The following ZNF146 variants were observed in gnomAD, a reference collection of about 807,000 sequenced individuals.
ZNF146 encodes the protein zinc finger protein 146, also known as zinc finger protein OZF.
In ZNF146, 9 loss-of-function variants were observed where a neutral mutation model predicts 22.2. The ratio of observed to expected loss-of-function variants is 0.41; its 90% CI spans 0.24 to 0.71. The LOEUF is 0.71. Among genes scored for constraint, ZNF146 ranks in the 30% least tolerant of loss-of-function variants. The pLI, the probability that ZNF146 is intolerant of heterozygous loss-of-function variation, is 0.34. For missense variants in ZNF146, 194 were observed against 344.8 expected (o/e 0.56, Z 3.46); for synonymous variants, 108 against 119.2 (o/e 0.91, Z 0.61).
Position 36,227,613 on chromosome 19 carries a change from C to T in ZNF146, c.-854-1135C>T, listed in dbSNP as rs528421478. ...AGGTTGTTGCTTTTCTTTTTTATGA[C>T]AAGGTCTCACTCTGTCAGGCCATCT... On this transcript the variant is annotated intron_variant, in intron 2 of 3. Transcript: ENST00000443387. 9.0e-4 allele frequency among the ~76,000 whole-genome samples: 137 copies of T among 152,142 alleles called. 4 individuals carry two copies. The South Asian group carries it at 0.025, about 27-fold the overall frequency.
intron 1 of ZNF146, among the ~76,000 whole-genome samples, chr19:36,215,974 T>C (rs1976585981): frequency 6.6e-6 from 1 of 152,194 alleles, no homozygotes; most frequent in South Asian, 2.1e-4. Flanking sequence ...TCAGGTTGTA[T>C]GGATTTTGTG....
At chr19:36,235,073 G>C (rs1213271323) in intron 3 of ZNF146, among the ~76,000 whole-genome samples, 2 of 151,856 alleles carry the variant, frequency 1.3e-5, no homozygotes, top group African/African-American at 2.4e-5. Context: ...GCCAGGTATG[G>C]TGGTGCACAC....
chr19:36,218,148 T>G lies in ZNF146; in HGVS notation c.-902T>G, dbSNP rs1262981749. ...AAGACATAGGCCAAGGAGCCAGACT[T>G]CCTGTGTTAACTCCTTCCTCTGCCA... On this transcript the variant is annotated 5_prime_UTR_variant, in exon 2 of 4. Coordinates refer to ENST00000443387, the MANE Select transcript of ZNF146 (RefSeq NM_007145.3). The G allele has an allele frequency of 2.7e-5, 4 of 147,620 alleles. No homozygotes were observed. Among genetic ancestry groups the G allele is most frequent in the Non-Finnish European group, 4.4e-5 (3 of 67,520 alleles). The allele number at this position is 147,620 out of a possible 1,614,324, so 9.1% of individuals were successfully genotyped here. A position where few individuals can be genotyped will look rare whatever the true frequency, so the allele number is the denominator to read the frequency against.
At chr19:36,219,249 T>C (rs1452572950) in intron 2 of ZNF146, among the ~76,000 whole-genome samples, 1 of 152,142 alleles carries the variant, frequency 6.6e-6, no homozygotes, top group Non-Finnish European at 1.5e-5. Context: ...CTCCACCTCC[T>C]GGGCTGAAGA....
At chr19:36,229,007 C>G (rs1977201984) in intron 3 of ZNF146, among the ~76,000 whole-genome samples, 188 bp downstream of exon 3, 2 of 152,198 alleles carry the variant, frequency 1.3e-5, no homozygotes, top group South Asian at 2.1e-4. Flanking sequence ...TCACCAGATT[C>G]TAGAGGGGCC....
chr19:36,219,165 T>C (rs535590994), intron 2 of ZNF146, among the ~76,000 whole-genome samples: 7 of 152,168 alleles, frequency 4.6e-5, no homozygotes, highest in African/African-American at 1.7e-4. Flanking sequence ...GTTAGGTTTG[T>C]TTTTTGATTT....
intron 3 of ZNF146, among the ~76,000 whole-genome samples, chr19:36,233,275 AGGT>A (rs1977470786): frequency 6.6e-6 from 1 of 151,946 alleles, no homozygotes; most frequent in South Asian, 2.1e-4. Context: ...GCTACTTGGG[AGGT>A]TGAGGCTTCA....
chr19:36,223,623 A>G (rs1568431061), intron 2 of ZNF146, among the ~76,000 whole-genome samples: 1 of 152,128 alleles, frequency 6.6e-6, no homozygotes, highest in African/African-American at 2.4e-5. Flanking sequence ...TCGGCCCTCC[A>G]AAGTGCTGGG....
intron 3 of ZNF146, among the ~76,000 whole-genome samples, chr19:36,231,726 C>T (rs1220239169): frequency 6.6e-6 from 1 of 152,030 alleles, no homozygotes; most frequent in African/African-American, 2.4e-5. Context: ...TGGATTATTT[C>T]TTTTCCCATG....
In ZNF146 at chr19:36,236,539, G is replaced by A. The variant is rs139468503; in HGVS notation, c.99G>A (p.Glu33=). 1.2e-4 allele frequency: 195 copies of A among 1,614,180 alleles called. 1 individual carries two copies. In the African/African-American group the frequency reaches 1.3e-3, roughly 11 times the overall value. The change falls in exon 4 of 4, where the codon GAG becomes GAA. Residue 33 remains glutamate (E), a synonymous_variant. Coordinates refer to ENST00000443387, the MANE Select transcript of ZNF146 (RefSeq NM_007145.3). ...KVFSHKSNLT[E]HEHFHTREKP... Reference sequence around the variant, plus strand: ...TCAGCCACAAATCAAACCTCACTGAGCATGAGCATTTTCACACGAGAGAGA... The same window carrying A: ...TCAGCCACAAATCAAACCTCACTGAACATGAGCATTTTCACACGAGAGAGA...
chr19:36,230,595 T>C (rs1360986711), intron 3 of ZNF146, among the ~76,000 whole-genome samples: 1 of 152,132 alleles, frequency 6.6e-6, no homozygotes, highest in Non-Finnish European at 1.5e-5. Context: ...GGAAGATCAT[T>C]AGCCAGAAGG....
chr19:36,215,368 C>T (rs1256244725), intron 1 of ZNF146, among the ~76,000 whole-genome samples, 172 bp downstream of exon 1: 1 of 151,978 alleles, frequency 6.6e-6, no homozygotes, highest in Admixed American at 6.6e-5. Context: ...CCGAGTTTGT[C>T]CTCAAAGTTT....
chr19:36,229,222 A>G (rs1189364181), intron 3 of ZNF146, among the ~76,000 whole-genome samples: 1 of 152,176 alleles, frequency 6.6e-6, no homozygotes, highest in African/African-American at 2.4e-5. Context: ...TGAATGCCTC[A>G]GAATTATATT....
chr19:36,222,630 A>G (rs1568430442), intron 2 of ZNF146, among the ~76,000 whole-genome samples: 2 of 151,474 alleles, frequency 1.3e-5, no homozygotes, highest in African/African-American at 4.9e-5. Context: ...ATGAATGAGA[A>G]TTTTTTTTTA....
At chr19:36,228,136 G>C (rs1324388047) in intron 2 of ZNF146, among the ~76,000 whole-genome samples, 1 of 146,302 alleles carries the variant, frequency 6.8e-6, no homozygotes, top group African/African-American at 2.6e-5. Flanking sequence ...CTCTAGCCTG[G>C]GCAACAGGAG....
chr19:36,221,231 T>G (rs1976821156), intron 2 of ZNF146, among the ~76,000 whole-genome samples: 1 of 151,944 alleles, frequency 6.6e-6, no homozygotes, highest in African/African-American at 2.4e-5. Flanking sequence ...GGAATTATGT[T>G]ACTAAATTAA....
intron 3 of ZNF146, among the ~76,000 whole-genome samples, chr19:36,233,712 TAA>T (rs923411298): frequency 2.0e-5 from 3 of 152,318 alleles, no homozygotes; most frequent in Admixed American, 6.5e-5. Flanking sequence ...CTCAATGCCT[TAA>T]AGAGCAGTGT....
intron 2 of ZNF146, among the ~76,000 whole-genome samples, chr19:36,222,925 A>C (rs1428884918): frequency 6.6e-6 from 1 of 150,992 alleles, no homozygotes; most frequent in Non-Finnish European, 1.5e-5. Flanking sequence ...GCTTAGAATG[A>C]GCCCCCTGTG....
intron 2 of ZNF146, among the ~76,000 whole-genome samples, chr19:36,218,910 G>A (rs1025174119): frequency 4.0e-5 from 6 of 151,648 alleles, no homozygotes; most frequent in Non-Finnish European, 7.4e-5. Context: ...CCAGGTTCAC[G>A]CCATTCTCCA....
Sources: allele counts gnomAD v4.1 joint callset (sites outside exome capture counted in the v4.1 genomes callset), GRCh38; gene constraint gnomAD v4.1.1; transcripts MANE v1.5; gene names NCBI Gene and HGNC (gene_info 2026-07-23, HGNC 2026-07-21).